The following NR2C1 variants were observed in gnomAD, a reference collection of about 807,000 sequenced individuals.
The protein encoded by NR2C1 is TR2 nuclear hormone receptor.
In NR2C1, 33 loss-of-function variants were observed where a neutral mutation model predicts 74.8. That is an observed-to-expected ratio of 0.44 (90% confidence interval 0.33 to 0.59). NR2C1 has a LOEUF of 0.59. NR2C1 is among the 20% of genes least tolerant of loss of function. The pLI, the probability that NR2C1 is intolerant of heterozygous loss-of-function variation, is 0.02. For synonymous variants in NR2C1, 225 were observed against 240.6 expected (o/e 0.94, Z 0.60); for missense variants, 568 against 715.6 (o/e 0.79, Z 2.35).
intron 3 of NR2C1, among the ~76,000 whole-genome samples, 184 bp downstream of exon 3, chr12:95,062,324 G>C (rs1298256373): frequency 2.0e-5 from 3 of 152,192 alleles, no homozygotes; most frequent in Non-Finnish European, 2.9e-5. Context: ...CAAAATATAT[G>C]AGTGTGAGGA....
intron 7 of NR2C1, among the ~76,000 whole-genome samples, chr12:95,052,179 T>G (rs1873109487): frequency 6.6e-6 from 1 of 150,764 alleles, no homozygotes; most frequent in Admixed American, 6.6e-5. Context: ...TTTTGGGAGA[T>G]GGAGTCTCAC....
At chr12:95,063,005 G>C (rs1875031805) in intron 2 of NR2C1, 2 of 480,646 alleles carry the variant, frequency 4.2e-6, no homozygotes, top group Admixed American at 3.5e-5. Flanking sequence ...ACATATATTG[G>C]GTGATTTATA....
At chr12:95,025,658 TAAA>T (rs11291964) in intron 12 of NR2C1, among the ~76,000 whole-genome samples, 4 of 86,552 alleles carry the variant, frequency 4.6e-5, no homozygotes. Flanking sequence ...AACTCTGTCT[TAAA>T]AAAAAAAAAA....
rs950012871 is a variant in NR2C1 at position 95,020,893 on chromosome 12, G to A, written c.*1336C>T. 6.6e-6 allele frequency: 1 copy of A among 152,026 alleles called. No homozygotes were observed. The highest frequency in any genetic ancestry group is 1.5e-5 in the Non-Finnish European group (1 of 67,992). The allele number at this position is 152,026 out of a possible 1,614,324, so 9.4% of individuals were successfully genotyped here. A position where few individuals can be genotyped will look rare whatever the true frequency, so the allele number is the denominator to read the frequency against. ...ATACTGTTGTTAAAGCAGCCCTCCC[G>A]TGCTTTACAGTGAAAAAAATCAGTG... is the stretch of plus-strand genomic sequence containing the variant. On this transcript the variant is annotated 3_prime_UTR_variant, in exon 14 of 14. Transcript: ENST00000333003.
At chr12:95,039,066 T>A (rs1249920943) in intron 10 of NR2C1, among the ~76,000 whole-genome samples, 1 of 152,076 alleles carries the variant, frequency 6.6e-6, no homozygotes, top group Non-Finnish European at 1.5e-5. Context: ...AGAACTCATC[T>A]CTTAAACAAA....
chr12:95,043,348 C>T (rs552960016), intron 9 of NR2C1, among the ~76,000 whole-genome samples: 2 of 152,128 alleles, frequency 1.3e-5, no homozygotes, highest in South Asian at 2.1e-4. Context: ...CCAAAAATTA[C>T]TAGTTTTGGG....
chr12:95,062,635 G>C lies in NR2C1; in HGVS notation c.158C>G (p.Thr53Ser). Reference sequence around the variant, plus strand: ...CCTGGCCAGAATGACTTTGCTTGGAGTAGAGCCGTCGTGATTTGTCAGAAT... The same window carrying C: ...CCTGGCCAGAATGACTTTGCTTGGACTAGAGCCGTCGTGATTTGTCAGAAT... ...QFILTNHDGSTPSKVILARQD... is the reference protein window; with the variant it reads ...QFILTNHDGSSPSKVILARQD... The change falls in exon 3 of 14, where the codon ACT becomes AGT. Residue 53 changes from threonine (T) to serine (S), a missense_variant. Around this residue, in one of 6 missense-constraint regions of NR2C1, gnomAD observed 128 missense variants for 118.9 expected, o/e 1.08. Coordinates refer to ENST00000333003, the MANE Select transcript of NR2C1 (RefSeq NM_003297.4). 6.2e-7 allele frequency: 1 copy of C among 1,614,114 alleles called. No individual in the cohort carries two copies. The highest frequency in any genetic ancestry group is 1.1e-5 in the South Asian group (1 of 91,080).
intron 2 of NR2C1, among the ~76,000 whole-genome samples, chr12:95,064,951 A>C (rs1413740763): frequency 1.3e-5 from 2 of 152,234 alleles, no homozygotes; most frequent in Non-Finnish European, 2.9e-5. Flanking sequence ...ATAAAAGACT[A>C]ATAGTTCATA....
chr12:95,049,955 A>G (rs1872762861), intron 8 of NR2C1, among the ~76,000 whole-genome samples: 1 of 152,084 alleles, frequency 6.6e-6, no homozygotes, highest in South Asian at 2.1e-4. Flanking sequence ...GCGCACCACC[A>G]TGCTCAGCTA....
At chr12:95,029,559 C>T (rs868035122) in intron 11 of NR2C1, among the ~76,000 whole-genome samples, 24 of 130,100 alleles carry the variant, frequency 1.8e-4, no homozygotes, top group East Asian at 2.3e-4. Flanking sequence ...GTAATGGTTC[C>T]TTTTTTTTTT....
At chr12:95,046,961 G>A (rs1872392862) in intron 9 of NR2C1, among the ~76,000 whole-genome samples, 2 of 152,096 alleles carry the variant, frequency 1.3e-5, no homozygotes, top group African/African-American at 4.8e-5. Flanking sequence ...GGAAGACAAA[G>A]ATGGGAATGA....
At chr12:95,069,536 T>C (rs554783089) in intron 1 of NR2C1, among the ~76,000 whole-genome samples, 2 of 152,358 alleles carry the variant, frequency 1.3e-5, no homozygotes, top group African/African-American at 4.8e-5. Flanking sequence ...GTATAGCCTA[T>C]GTGTATGGTA....
chr12:95,069,887 C>T (rs1249424064), intron 1 of NR2C1, among the ~76,000 whole-genome samples: 1 of 152,118 alleles, frequency 6.6e-6, no homozygotes, highest in Non-Finnish European at 1.5e-5. Flanking sequence ...CCTAACTACA[C>T]CTTTCAGTTG....
In NR2C1 at chr12:95,031,406, T is replaced by G. The variant is rs556415824; in HGVS notation, c.1336A>C (p.Asn446His). 5 of 1,608,430 alleles carry G rather than the reference T, an allele frequency of 3.1e-6. No homozygotes were observed. In the South Asian group the frequency reaches 5.6e-5, roughly 18 times the overall value. Residue 446 changes from asparagine to histidine, a missense_variant, in exon 11 of 14, where the codon AAT becomes CAT. Physicochemically the swap from Asn to His is moderately conservative, Grantham distance 68. Transcript: ENST00000333003. ...LGLAQCWQVMNVATILATFVN... is the reference protein window; with the variant it reads ...LGLAQCWQVMHVATILATFVN... Reference sequence around the variant, plus strand: ...AATGTTGCTAATATAGTTGCTACATTCATCACTTGCCAGCACTGGGCAAGA... The same window carrying G: ...AATGTTGCTAATATAGTTGCTACATGCATCACTTGCCAGCACTGGGCAAGA...
At chr12:95,066,365 C>T (rs138483796) in intron 2 of NR2C1, among the ~76,000 whole-genome samples, 1 of 152,106 alleles carries the variant, frequency 6.6e-6, no homozygotes, top group Admixed American at 6.6e-5. Context: ...CAGCCAGGCA[C>T]GTGAGCACAA....
chr12:95,026,068 G>A (rs1367094274), intron 12 of NR2C1, among the ~76,000 whole-genome samples: 2 of 151,878 alleles, frequency 1.3e-5, no homozygotes, highest in African/African-American at 2.4e-5. Context: ...TTAGCTGGGT[G>A]TGGTGGCAGG....
chr12:95,042,414 C>T (rs1269450280), intron 9 of NR2C1, among the ~76,000 whole-genome samples: 3 of 151,674 alleles, frequency 2.0e-5, no homozygotes, highest in East Asian at 1.9e-4. Flanking sequence ...GGTTGTACCA[C>T]GTTGGCCAGG....
intron 8 of NR2C1, among the ~76,000 whole-genome samples, 192 bp downstream of exon 8, chr12:95,051,570 C>T (rs930897242): frequency 2.0e-5 from 3 of 152,132 alleles, no homozygotes; most frequent in African/African-American, 7.2e-5. Flanking sequence ...GCAAACATTC[C>T]AAAATCTGAA....
intron 2 of NR2C1, 38 bp downstream of exon 2, chr12:95,067,292 GT>G (rs1458342045): frequency 6.4e-7 from 1 of 1,562,768 alleles, no homozygotes; most frequent in Non-Finnish European, 8.8e-7. Context: ...AATTAGAAAA[GT>G]TTGGTGGGCC....
Sources: gnomAD v4.1 joint callset for allele counts (sites outside exome capture counted in the v4.1 genomes callset) on GRCh38, gnomAD v4.1.1 for gene constraint, gnomAD v4.1.1 regional missense constraint, MANE v1.5 for transcripts, NCBI Gene and HGNC (gene_info 2026-07-23, HGNC 2026-07-21) for gene names.